Variants in COPS2 observed in about 807,000 individuals in gnomAD.
COPS2 encodes the protein COP9 signalosome complex subunit 2.
A neutral mutation model predicts 66.1 loss-of-function variants in COPS2; 10 were observed. The observed-to-expected ratio is 0.15, with a 90% CI of 0.09 to 0.26. The LOEUF is 0.26. Among genes scored for constraint, COPS2 ranks in the 10% least tolerant of loss-of-function variants. COPS2 has a pLI of 1.00. For synonymous variants in COPS2, 179 were observed against 171.3 expected (o/e 1.04, Z -0.35); for missense variants, 215 against 513.3 (o/e 0.42, Z 5.62).
rs1224325580 is a variant in COPS2 at position 49,124,653 on chromosome 15, T to C, written c.*3297A>G. On this transcript the variant is annotated 3_prime_UTR_variant, in exon 13 of 13. Coordinates refer to ENST00000388901, the MANE Select transcript of COPS2 (RefSeq NM_004236.4). Reference sequence around the variant, plus strand: ...TCAAATTCCTTTTTTTGTTATATACTTCAGTTCAAAATGTTTATCTTCTTC... The same window carrying C: ...TCAAATTCCTTTTTTTGTTATATACCTCAGTTCAAAATGTTTATCTTCTTC... The C allele has an allele frequency of 6.6e-6, 1 of 152,174 alleles. No individual in the cohort carries two copies. Among genetic ancestry groups the C allele is most frequent in the East Asian group, 1.9e-4 (1 of 5,204 alleles). 9.4% of individuals were successfully genotyped at this position (152,174 alleles called of 1,614,324 possible).
At chr15:49,142,313 T>C (rs934708835) in intron 3 of COPS2, among the ~76,000 whole-genome samples, 4 of 152,172 alleles carry the variant, frequency 2.6e-5, no homozygotes, top group African/African-American at 9.7e-5. Flanking sequence ...GGGGAAGAAA[T>C]GAACAAAGAC....
chr15:49,129,468 T>A lies in COPS2; in HGVS notation c.1128+9A>T. The A allele has an allele frequency of 8.6e-7, 1 of 1,168,618 alleles. No homozygotes were observed. The highest frequency in any genetic ancestry group is 1.2e-6 in the Non-Finnish European group (1 of 847,474). The allele number at this position is 1,168,618 out of a possible 1,614,324, so 72.4% of individuals were successfully genotyped here. ...TATAAACATCATTAAAATCTATGAATATAAGTACCTTAGAAATAAAAGGAA... is the reference window on the plus strand; with the variant it reads ...TATAAACATCATTAAAATCTATGAAAATAAGTACCTTAGAAATAAAAGGAA... On this transcript the variant is annotated intron_variant, in intron 11 of 12. Coordinates refer to ENST00000388901, the MANE Select transcript of COPS2 (RefSeq NM_004236.4).
rs757294728 is a variant in COPS2, at chr15:49,137,245, T to TATTAAA, written c.463-24_463-19dup. On this transcript the variant is annotated intron_variant, in intron 5 of 12. Coordinates refer to ENST00000388901, the MANE Select transcript of COPS2 (RefSeq NM_004236.4). The stretch of plus-strand genomic sequence containing the variant: ...TTTCCAAGCTGCAAGAAAGCAAATT[T>TATTAAA]ATTAAAATCAAGATTTCAACAGAAG... 114 of 1,576,768 alleles carry TATTAAA rather than the reference T, an allele frequency of 7.2e-5. No homozygotes were observed. The highest frequency in any genetic ancestry group is 8.7e-5 in the Non-Finnish European group (101 of 1,160,814).
intron 1 of COPS2, 112 bp from the exon 2 acceptor site, chr15:49,145,190 A>G: frequency 1.8e-6 from 1 of 554,388 alleles, no homozygotes; most frequent in Non-Finnish European, 3.1e-6. Context: ...TTACAAAACA[A>G]AACAACCTTG....
rs184003701 is a variant in COPS2, at chr15:49,135,545, C to T, written c.541-1031G>A. On this transcript the variant is annotated intron_variant, in intron 6 of 12. Transcript: ENST00000388901. The stretch of plus-strand genomic sequence containing the variant: ...AATAGGGACTAACCTTCCTGGAGGA[C>T]GTCACAGGAATCACAAAAAAGTGCT... Among the ~76,000 whole-genome samples the T allele has an allele frequency of 2.0e-5, 3 of 152,244 alleles. No individual in the cohort carries two copies. In the East Asian group the frequency reaches 5.8e-4, roughly 29 times the overall value.
At chr15:49,155,262 G>C (rs943050685) in intron 1 of COPS2, among the ~76,000 whole-genome samples, 1 of 152,262 alleles carries the variant, frequency 6.6e-6, no homozygotes, top group Admixed American at 6.5e-5. Flanking sequence ...AGGGGCATCC[G>C]TGTAAACCGA....
intron 1 of COPS2, among the ~76,000 whole-genome samples, chr15:49,148,825 T>C (rs1358202491): frequency 6.6e-6 from 1 of 152,166 alleles, no homozygotes; most frequent in Non-Finnish European, 1.5e-5. Context: ...AAAATAAAAG[T>C]GCCCATATGG....
chr15:49,141,253 G>T (rs1310116127), intron 3 of COPS2, among the ~76,000 whole-genome samples: 1 of 152,176 alleles, frequency 6.6e-6, no homozygotes, highest in Non-Finnish European at 1.5e-5. Flanking sequence ...TGTAATCCCA[G>T]CCCTTTGAGA....
intron 3 of COPS2, among the ~76,000 whole-genome samples, chr15:49,143,827 A>T (rs1438704585): frequency 6.6e-6 from 1 of 152,116 alleles, no homozygotes; most frequent in African/African-American, 2.4e-5. Context: ...TCTTCTAAAA[A>T]CACAAAAAAT....
intron 4 of COPS2, chr15:49,137,797 AG>A (rs1283960212): frequency 5.3e-6 from 1 of 187,052 alleles, no homozygotes; most frequent in African/African-American, 2.4e-5. Context: ...GGAGTGGAGA[AG>A]GAACAAAGTA....
At chr15:49,148,063 C>G (rs1366131674) in intron 1 of COPS2, among the ~76,000 whole-genome samples, 2 of 152,148 alleles carry the variant, frequency 1.3e-5, no homozygotes, top group African/African-American at 4.8e-5. Flanking sequence ...ACAAGCTGTG[C>G]ACTACTGCAA....
chr15:49,149,676 C>T (rs2084345214), intron 1 of COPS2, among the ~76,000 whole-genome samples: 1 of 152,182 alleles, frequency 6.6e-6, no homozygotes, highest in Non-Finnish European at 1.5e-5. Flanking sequence ...GTCGCTACTG[C>T]TGAACAGGAT....
intron 4 of COPS2, 193 bp from the exon 5 acceptor site, chr15:49,137,630 A>G (rs951273483): frequency 7.7e-6 from 4 of 522,690 alleles, no homozygotes; most frequent in Non-Finnish European, 1.3e-5. Flanking sequence ...TACAAGTACC[A>G]TGATGCGTTG....
intron 9 of COPS2, among the ~76,000 whole-genome samples, chr15:49,131,423 A>G (rs2084207905): frequency 6.6e-6 from 1 of 151,428 alleles, no homozygotes; most frequent in Non-Finnish European, 1.5e-5. Flanking sequence ...GGTATCTAGT[A>G]TCTCCTCTTG....
rs2084168781 is a variant in COPS2 at position 49,126,576 on chromosome 15, G to A, written c.*1374C>T. On this transcript the variant is annotated 3_prime_UTR_variant, in exon 13 of 13. Transcript: ENST00000388901. ...TATGTTAATCCTAGTTCTTCCTTTC[G>A]ACACTATAAAATAATGTGAACTTTT... The A allele has an allele frequency of 2.0e-5, 3 of 152,222 alleles. No homozygotes were observed. Among genetic ancestry groups the A allele is most frequent in the Non-Finnish European group, 4.4e-5 (3 of 67,924 alleles). The allele number at this position is 152,222 out of a possible 1,614,324, so 9.4% of individuals were successfully genotyped here. A position where few individuals can be genotyped will look rare whatever the true frequency, so the allele number is the denominator to read the frequency against.
chr15:49,133,822 TA>T lies in COPS2; in HGVS notation c.895-12del, dbSNP rs1474369551. On this transcript the variant is annotated splice_polypyrimidine_tract_variant and intron_variant, in intron 8 of 12. Transcript: ENST00000388901. ...TTTGTACGGCTTGGCCTAAACACAG[TA>T]AAGAAAAAAATTAAATATATGTACA... 1 of 1,573,500 alleles carries T rather than the reference TA, an allele frequency of 6.4e-7. No homozygotes were observed. Among genetic ancestry groups the T allele is most frequent in the South Asian group, 1.2e-5 (1 of 83,244 alleles).
At chr15:49,155,494 C>T (rs766913168) in intron 1 of COPS2, 31 bp downstream of exon 1, 6 of 1,611,864 alleles carry the variant, frequency 3.7e-6, no homozygotes, top group Admixed American at 1.7e-5. Context: ...GACACATCAC[C>T]ACCCTCAGAG....
Position 49,127,185 on chromosome 15 carries a change from A to C in COPS2, c.*765T>G, listed in dbSNP as rs961384727. 2 of 152,252 alleles carry C rather than the reference A, an allele frequency of 1.3e-5. No homozygotes were observed. Among genetic ancestry groups the C allele is most frequent in the African/African-American group, 4.8e-5 (2 of 41,460 alleles). 9.4% of individuals were successfully genotyped at this position (152,252 alleles called of 1,614,324 possible). A position where few individuals can be genotyped will look rare whatever the true frequency, so the allele number is the denominator to read the frequency against. ...GTTAGAAAGTAGTTCTCCTTACTCT[A>C]TCAATAAAGACTACTTTTAAAAACT... On this transcript the variant is annotated 3_prime_UTR_variant, in exon 13 of 13. Transcript: ENST00000388901.
At chr15:49,135,791 A>C (rs966709881) in intron 6 of COPS2, among the ~76,000 whole-genome samples, 1 of 152,222 alleles carries the variant, frequency 6.6e-6, no homozygotes, top group Non-Finnish European at 1.5e-5. Flanking sequence ...ATACATCTAG[A>C]GTATCCTGCA....
Sources: gnomAD v4.1 joint callset for allele counts (sites outside exome capture counted in the v4.1 genomes callset) on GRCh38, gnomAD v4.1.1 for gene constraint, MANE v1.5 for transcripts, NCBI Gene and HGNC (gene_info 2026-07-23, HGNC 2026-07-21) for gene names.